Variants in SYTL5 observed in about 807,000 individuals in gnomAD.
SYTL5 encodes the protein synaptotagmin-like protein 5.
In SYTL5, 34 loss-of-function variants were observed where a neutral mutation model predicts 55.9. The observed-to-expected ratio is 0.61, with a 90% CI of 0.46 to 0.81. The LOEUF is 0.81. SYTL5 is among the 30% of genes least tolerant of loss of function. The pLI, the probability that SYTL5 is intolerant of heterozygous loss-of-function variation, is 0.00. For missense variants in SYTL5, 637 were observed against 546.7 expected, an observed-to-expected ratio of 1.17 and a Z score of -1.65; for synonymous variants, 221 against 188.7, an observed-to-expected ratio of 1.17 and a Z score of -1.40.
chrX:37,897,713 C>T, the SYTL5 span, among the ~76,000 whole-genome samples: 1 of 111,466 alleles, frequency 9.0e-6, no homozygotes, highest in Admixed American at 9.5e-5. Context: ...CAGTCTGCTA[C>T]ACCATAAGTA....
intron 15 of SYTL5, 49 bp downstream of exon 15, chrX:38,122,264 G>T: frequency 8.9e-7 from 1 of 1,126,603 alleles, no homozygotes; most frequent in Non-Finnish European, 1.2e-6. Context: ...GGAGATGAAA[G>T]GATCTGTGAT....
the SYTL5 span, among the ~76,000 whole-genome samples, chrX:37,935,290 G>A: frequency 9.0e-6 from 1 of 111,562 alleles, no homozygotes; most frequent in Non-Finnish European, 1.9e-5. Context: ...AAGGCATTCC[G>A]GATAAATAAA....
intron 5 of SYTL5, among the ~76,000 whole-genome samples, chrX:38,075,540 C>T (rs753000253): frequency 6.3e-5 from 7 of 111,584 alleles, no homozygotes; most frequent in Non-Finnish European, 9.4e-5. Flanking sequence ...GATCACAAAA[C>T]GGAGGAAGAG....
chrX:37,901,818 C>T, the SYTL5 span, among the ~76,000 whole-genome samples: 1 of 111,303 alleles, frequency 9.0e-6, no homozygotes, highest in Non-Finnish European at 1.9e-5. Flanking sequence ...CAACAGGTTG[C>T]TTGATAAGTG....
the SYTL5 span, among the ~76,000 whole-genome samples, chrX:37,967,229 T>C: frequency 9.0e-6 from 1 of 111,391 alleles, no homozygotes; most frequent in African/African-American, 3.3e-5. Flanking sequence ...TTTTTGTATT[T>C]TTAGTAGAGA....
chrX:37,991,076 C>T, the SYTL5 span: 1 of 1,211,233 alleles, frequency 8.3e-7, no homozygotes, highest in East Asian at 3.0e-5. Context: ...GCAGTATGCG[C>T]AACACTTCAC....
At chrX:38,102,005 T>A (rs986699680) in intron 9 of SYTL5, among the ~76,000 whole-genome samples, 39 of 109,732 alleles carry the variant, frequency 3.6e-4, no homozygotes, top group Non-Finnish European at 6.7e-4. Context: ...AAATTTTTTT[T>A]AATTTTAAAG....
At chrX:38,114,172 C>A (rs1055602894) in intron 13 of SYTL5, among the ~76,000 whole-genome samples, 9 of 111,491 alleles carry the variant, frequency 8.1e-5, no homozygotes, top group African/African-American at 2.6e-4. Context: ...TGTACACACT[C>A]CCCTGATCAC....
chrX:38,070,488 A>G (rs1196037084), intron 3 of SYTL5, among the ~76,000 whole-genome samples: 2 of 110,111 alleles, frequency 1.8e-5, no homozygotes, highest in Non-Finnish European at 3.8e-5. Context: ...TATCCTCTTT[A>G]TTGTTTAACT....
intron 3 of SYTL5, among the ~76,000 whole-genome samples, chrX:38,070,775 A>T (rs991718785): frequency 8.9e-6 from 1 of 111,982 alleles, no homozygotes; most frequent in East Asian, 2.8e-4. Context: ...AGCTAAAGCC[A>T]TTTCTTAATT....
chrX:37,999,735 T>C, the SYTL5 span, among the ~76,000 whole-genome samples: 2 of 111,982 alleles, frequency 1.8e-5, no homozygotes, highest in Non-Finnish European at 3.8e-5. Flanking sequence ...CAGACTATGC[T>C]CTTTTCCTAA....
chrX:37,959,468 C>G, the SYTL5 span, among the ~76,000 whole-genome samples: 1 of 111,667 alleles, frequency 9.0e-6, no homozygotes, highest in Admixed American at 9.4e-5. Flanking sequence ...GATTAAAGCT[C>G]AGGTACCGCG....
chrX:38,039,599 TA>T (rs1231468188), intron 2 of SYTL5, among the ~76,000 whole-genome samples: 2 of 112,133 alleles, frequency 1.8e-5, no homozygotes, highest in African/African-American at 6.5e-5. Context: ...GACTTGTACT[TA>T]AAAATCCTCA....
intron 2 of SYTL5, among the ~76,000 whole-genome samples, chrX:38,042,294 G>A (rs1935309725): frequency 9.1e-6 from 1 of 109,916 alleles, no homozygotes; most frequent in African/African-American, 3.3e-5. Context: ...TTCAGGGCCC[G>A]GGTGTATACC....
the SYTL5 span, among the ~76,000 whole-genome samples, chrX:37,979,640 T>A: frequency 1.5e-4 from 16 of 105,203 alleles, no homozygotes; most frequent in Non-Finnish European, 2.7e-4. Context: ...TGAGGGAAGA[T>A]CTCACTCTGC....
chrX:38,091,703 C>T lies in SYTL5; in HGVS notation c.831+2116C>T, dbSNP rs768059643. 1.4e-3 allele frequency among the ~76,000 whole-genome samples: 161 copies of T among 111,820 alleles called. 1 individual carries two copies. The Middle Eastern group carries it at 0.023, about 16-fold the overall frequency. On this transcript the variant is annotated intron_variant, in intron 7 of 16. Transcript: ENST00000297875. ...CTAGTACAGTTGTCCCAGTGGGTAG[C>T]AGCTGACAATCAGTCCAATGACCAA...
At chrX:37,918,335 G>A in the SYTL5 span, among the ~76,000 whole-genome samples, 1 of 111,797 alleles carries the variant, frequency 8.9e-6, no homozygotes, top group Non-Finnish European at 1.9e-5. Context: ...AAGCTAGCCT[G>A]CTGGAGGATG....
chrX:38,013,115 G>T (rs1934239927), intron 1 of SYTL5, among the ~76,000 whole-genome samples: 1 of 112,183 alleles, frequency 8.9e-6, no homozygotes, highest in South Asian at 3.6e-4. Context: ...AATTTAATTT[G>T]CTTTGAACTA....
chrX:38,094,384 C>A lies in SYTL5; in HGVS notation c.921C>A (p.Gly307=), dbSNP rs1385602810. ...LTKSHRRNTS[G]TPSIAVSGTS... is the part of the protein sequence containing the mutation. ...AGAGTCACCGCAGAAACACTTCTGGCACACCTTCCATAGCAGTGTCTGGAA... is the reference window on the plus strand; with the variant it reads ...AGAGTCACCGCAGAAACACTTCTGGAACACCTTCCATAGCAGTGTCTGGAA... The change falls in exon 8 of 17, where the codon GGC becomes GGA. Residue 307 remains glycine (G), a synonymous_variant. Transcript: ENST00000297875. The A allele has an allele frequency of 1.9e-5, 23 of 1,203,657 alleles. No homozygotes were observed. Among genetic ancestry groups the A allele is most frequent in the Non-Finnish European group, 2.4e-5 (21 of 890,970 alleles).
Sources: allele counts gnomAD v4.1 joint callset (sites outside exome capture counted in the v4.1 genomes callset), GRCh38; gene constraint gnomAD v4.1.1; transcripts MANE v1.5; gene names NCBI Gene and HGNC (gene_info 2026-07-23, HGNC 2026-07-21).